CHL1: variants seen among roughly 807,000 people sequenced by gnomAD.
CHL1 encodes the protein neural cell adhesion molecule L1-like protein.
In CHL1, 96 loss-of-function variants were observed where a neutral mutation model predicts 141.9. The observed-to-expected ratio is 0.68, with a 90% confidence interval of 0.57 to 0.80. The LOEUF (loss-of-function observed/expected upper bound fraction) is 0.80, where lower values mean the gene tolerates loss of function less well. Among genes scored for constraint, CHL1 ranks in the 30% least tolerant of loss-of-function variants. CHL1 has a pLI of 0.00. For synonymous variants in CHL1, 613 were observed against 502.2 expected (o/e 1.22, Z -2.95); for missense variants, 1,820 against 1,457.2 (o/e 1.25, Z -4.05).
intron 2 of CHL1, among the ~76,000 whole-genome samples, chr3:265,044 A>G (rs1695038092): frequency 6.6e-6 from 1 of 152,206 alleles, no homozygotes; most frequent in Non-Finnish European, 1.5e-5. Context: ...TACTACTCCC[A>G]CACTACTACT....
At chr3:258,048 G>T (rs555293258) in intron 2 of CHL1, among the ~76,000 whole-genome samples, 273 of 152,254 alleles carry the variant, frequency 1.8e-3, no homozygotes, top group Non-Finnish European at 3.4e-3. Context: ...GGGAGGTGAC[G>T]CAGGAAGGCT....
intron 4 of CHL1, among the ~76,000 whole-genome samples, chr3:326,874 G>A (rs1441643225): frequency 3.3e-5 from 5 of 151,522 alleles, no homozygotes; most frequent in Non-Finnish European, 7.4e-5. Context: ...ATTGCCTGAT[G>A]GGTTGATATT....
chr3:394,358 G>A (rs1343620938), intron 23 of CHL1, among the ~76,000 whole-genome samples: 4 of 152,060 alleles, frequency 2.6e-5, no homozygotes, highest in Non-Finnish European at 4.4e-5. Flanking sequence ...TATTATTAAT[G>A]CGTATTATGA....
At chr3:390,134 C>T (rs1708100409) in intron 20 of CHL1, among the ~76,000 whole-genome samples, 1 of 152,214 alleles carries the variant, frequency 6.6e-6, no homozygotes, top group Admixed American at 6.5e-5. Flanking sequence ...CACCTGCCGT[C>T]TAAATTCTTC....
chr3:212,941 T>G (rs966440501), intron 1 of CHL1, among the ~76,000 whole-genome samples: 2 of 152,246 alleles, frequency 1.3e-5, no homozygotes, highest in Non-Finnish European at 2.9e-5. Flanking sequence ...ACTGGCTTAC[T>G]AACAAAATAT....
At chr3:333,422 G>T (rs569118136) in intron 5 of CHL1, among the ~76,000 whole-genome samples, 1 of 152,042 alleles carries the variant, frequency 6.6e-6, no homozygotes, top group African/African-American at 2.4e-5. Context: ...TCAATCTCCT[G>T]TTAACAAACA....
In CHL1 at chr3:214,937, A is replaced by T. The variant is rs116690282; in HGVS notation, c.-175+17874A>T. Among the ~76,000 whole-genome samples, 208 of 140,076 alleles carry T rather than the reference A, an allele frequency of 1.5e-3. 1 individual carries two copies. Among genetic ancestry groups the T allele is most frequent in the African/African-American group, 5.1e-3 (190 of 37,522 alleles). 91.9% of individuals were successfully genotyped at this position (140,076 alleles called of 152,430 possible). A position where few individuals can be genotyped will look rare whatever the true frequency, so the allele number is the denominator to read the frequency against. On this transcript the variant is annotated intron_variant, in intron 1 of 27. Transcript: ENST00000256509. Reference sequence around the variant, plus strand: ...AGAGATTATAAAGCTGAGAATTGAAATGCCTAGCATGTGCACGTGCACACA... The same window carrying T: ...AGAGATTATAAAGCTGAGAATTGAATTGCCTAGCATGTGCACGTGCACACA...
chr3:275,615 G>A (rs1297518809), intron 2 of CHL1, among the ~76,000 whole-genome samples: 2 of 152,116 alleles, frequency 1.3e-5, no homozygotes, highest in Non-Finnish European at 2.9e-5. Context: ...TGACATCATA[G>A]GCAGGGAAGA....
chr3:344,793 C>A lies in CHL1; in HGVS notation c.848+84C>A, dbSNP rs999566860. Reference sequence around the variant, plus strand: ...ATCAAGCACATTAAGACTGTGCTTGCAAAGATATTTTAAAATTATTTCCTT... The same window carrying A: ...ATCAAGCACATTAAGACTGTGCTTGAAAAGATATTTTAAAATTATTTCCTT... On this transcript the variant is annotated intron_variant, in intron 9 of 27. Coordinates refer to ENST00000256509, the MANE Select transcript of CHL1 (RefSeq NM_006614.4). 3.9e-6 allele frequency: 5 copies of A among 1,293,118 alleles called. 1 individual carries two copies. The Admixed American group carries it at 1.2e-4, about 31-fold the overall frequency. The allele number at this position is 1,293,118 out of a possible 1,614,324, so 80.1% of individuals were successfully genotyped here.
chr3:398,873 C>T, intron 25 of CHL1, 144 bp from the exon 26 acceptor site: 9 of 631,800 alleles, frequency 1.4e-5, no homozygotes, highest in East Asian at 8.1e-5. Context: ...TTAACATGTC[C>T]TTCAAATTGC....
intron 15 of CHL1, among the ~76,000 whole-genome samples, chr3:367,704 C>T (rs1312833467): frequency 6.6e-6 from 1 of 152,044 alleles, no homozygotes; most frequent in African/African-American, 2.4e-5. Flanking sequence ...GATACATGAA[C>T]AGAACATGCA....
intron 5 of CHL1, among the ~76,000 whole-genome samples, chr3:331,719 G>T (rs1701454265): frequency 6.6e-6 from 1 of 152,128 alleles, no homozygotes; most frequent in African/African-American, 2.4e-5. Context: ...AAAATGGTAT[G>T]TATTCATAAA....
intron 2 of CHL1, among the ~76,000 whole-genome samples, chr3:277,820 C>T (rs942033496): frequency 6.6e-6 from 1 of 152,192 alleles, no homozygotes; most frequent in Non-Finnish European, 1.5e-5. Context: ...GAAAGTTAGC[C>T]AGTGACACAT....
At position 354,641 on chromosome 3, in the gene CHL1, G is replaced by A. The variant is rs146447069; in HGVS notation, c.1035G>A (p.Glu345=). The A allele has an allele frequency of 7.1e-5, 115 of 1,610,682 alleles. No homozygotes were observed. Among genetic ancestry groups the A allele is most frequent in the Non-Finnish European group, 9.3e-5 (110 of 1,178,720 alleles). Residue 345 remains glutamate (E), a splice_region_variant and synonymous_variant, in exon 11 of 28, where the codon GAG becomes GAA. Transcript: ENST00000256509. The part of the protein sequence containing the change: ...ATHDFHVIVE[E]PPRWTKKPQS... Reference sequence around the variant, plus strand: ...ATGAGCTCTTCACTTTACATCCAGAGCCTCCTCGCTGGACAAAGAAGCCTC... The same window carrying A: ...ATGAGCTCTTCACTTTACATCCAGAACCTCCTCGCTGGACAAAGAAGCCTC...
At chr3:218,459 T>C (rs1339711248) in intron 1 of CHL1, among the ~76,000 whole-genome samples, 1 of 152,182 alleles carries the variant, frequency 6.6e-6, no homozygotes, top group Non-Finnish European at 1.5e-5. Context: ...CTCAAGTCAG[T>C]AGAGAAGATG....
chr3:259,196 C>T (rs1694467900), intron 2 of CHL1, among the ~76,000 whole-genome samples: 1 of 152,090 alleles, frequency 6.6e-6, no homozygotes, highest in African/African-American at 2.4e-5. Context: ...GCTGGGATTA[C>T]AGGCTTGAGC....
chr3:343,441 T>C (rs950731158), intron 8 of CHL1, among the ~76,000 whole-genome samples: 4 of 152,180 alleles, frequency 2.6e-5, no homozygotes, highest in Admixed American at 6.5e-5. Flanking sequence ...CAAGGCTTTT[T>C]GAAATATTTG....
chr3:394,737 A>G lies in CHL1; in HGVS notation c.2959A>G (p.Thr987Ala). 1 of 1,613,804 alleles carries G rather than the reference A, an allele frequency of 6.2e-7. No homozygotes were observed. Among genetic ancestry groups the G allele is most frequent in the Non-Finnish European group, 8.5e-7 (1 of 1,179,768 alleles). ...TGGAGAATTAAATGATATTAACATT[A>G]CAACTCCATCAAAGCCCAGCTGGCA... The part of the protein sequence containing the change: ...EIGELNDINI[T>A]TPSKPSWHLS... The change falls in exon 24 of 28, where the codon ACA becomes GCA. Residue 987 changes from threonine (T) to alanine (A), a missense_variant. Thr to Ala is a moderately conservative substitution (Grantham distance 58). Transcript: ENST00000256509.
At chr3:315,215 G>T (rs6777325) in intron 2 of CHL1, among the ~76,000 whole-genome samples, 1 of 152,058 alleles carries the variant, frequency 6.6e-6, no homozygotes, top group Admixed American at 6.6e-5. Context: ...TCTCATAAGT[G>T]TGCTATACAG....
Sources: allele counts gnomAD v4.1 joint callset (sites outside exome capture counted in the v4.1 genomes callset), GRCh38; gene constraint gnomAD v4.1.1; transcripts MANE v1.5; gene names NCBI Gene and HGNC (gene_info 2026-07-23, HGNC 2026-07-21).